The following ANKRD26 variants were observed in gnomAD, a reference collection of about 807,000 sequenced individuals.
ANKRD26 encodes ankyrin repeat domain 26, also known as ankyrin repeat domain-containing protein 26.
A neutral mutation model predicts 208.7 loss-of-function variants in ANKRD26; 141 were observed. The observed-to-expected ratio is 0.68, with a 90% CI of 0.59 to 0.78. ANKRD26 has a LOEUF of 0.78. ANKRD26 is among the 30% of genes least tolerant of loss of function. ANKRD26 has a pLI of 0.00. For synonymous variants in ANKRD26, 636 were observed against 660.4 expected, an observed-to-expected ratio of 0.96 and a Z score of 0.57; for missense variants, 1,889 against 1,938.7, an observed-to-expected ratio of 0.97 and a Z score of 0.48.
chr10:26,947,934 T>C, the ANKRD26 span, among the ~76,000 whole-genome samples: 1 of 152,208 alleles, frequency 6.6e-6, no homozygotes, highest in Non-Finnish European at 1.5e-5. Context: ...ACAAAATGTA[T>C]GAACTTTTAT....
intron 29 of ANKRD26, 33 bp from the exon 30 acceptor site, chr10:27,017,825 A>T (rs1386292977): frequency 6.3e-7 from 1 of 1,591,198 alleles, no homozygotes; most frequent in Admixed American, 1.7e-5. Context: ...TGTAATAATG[A>T]AGGAAGTAGC....
the ANKRD26 span, among the ~76,000 whole-genome samples, chr10:26,953,369 C>A: frequency 6.6e-6 from 1 of 152,182 alleles, no homozygotes; most frequent in Non-Finnish European, 1.5e-5. Flanking sequence ...GAGTTCGAGG[C>A]TGCAGTGAGT....
chr10:27,085,126 A>C (rs1284036035), intron 5 of ANKRD26, among the ~76,000 whole-genome samples: 1 of 150,656 alleles, frequency 6.6e-6, no homozygotes, highest in Middle Eastern at 3.2e-3. Flanking sequence ...TTTGAGATGG[A>C]GTCTCGCTCT....
At chr10:27,086,768 GTTTTTTTTTT>G (rs36035101) in intron 4 of ANKRD26, among the ~76,000 whole-genome samples, 159 bp from the exon 5 acceptor site, 81 of 96,976 alleles carry the variant, frequency 8.4e-4, no homozygotes, top group African/African-American at 2.9e-3. Flanking sequence ...AAACTTTTTT[GTTTTTTTTTT>G]TTTTTTTTTT....
chr10:27,071,076 G>A (rs1207135919), intron 9 of ANKRD26, among the ~76,000 whole-genome samples: 2 of 151,676 alleles, frequency 1.3e-5, no homozygotes, highest in African/African-American at 2.4e-5. Flanking sequence ...TTTGGTGTAT[G>A]CGTATGTGTC....
intron 32 of ANKRD26, among the ~76,000 whole-genome samples, chr10:27,010,744 G>A (rs2053071650): frequency 6.6e-6 from 1 of 152,088 alleles, no homozygotes; most frequent in Non-Finnish European, 1.5e-5. Context: ...CTGAGCTCAG[G>A]TGATCTTCCT....
rs768854633 is a variant in ANKRD26, at chr10:27,005,229, C to T, written c.*361G>A. ...AACAATGACCACAGTTCCTGCACAA[C>T]AAAATGATGTCTAAGTCCAATTAGA... On this transcript the variant is annotated 3_prime_UTR_variant, in exon 34 of 34. Coordinates refer to ENST00000376087, the MANE Select transcript of ANKRD26 (RefSeq NM_014915.3). The T allele has an allele frequency of 9.9e-7, 1 of 1,007,974 alleles. No individual in the cohort carries two copies. Among genetic ancestry groups the T allele is most frequent in the Admixed American group, 5.7e-5 (1 of 17,682 alleles). The allele number at this position is 1,007,974 out of a possible 1,614,324, so 62.4% of individuals were successfully genotyped here.
the ANKRD26 span, among the ~76,000 whole-genome samples, chr10:26,957,605 A>T: frequency 2.0e-5 from 3 of 152,134 alleles, no homozygotes; most frequent in Non-Finnish European, 2.9e-5. Context: ...CTGACTAATT[A>T]AAAAAAGAAA....
At chr10:27,075,811 G>A (rs7086820) in intron 9 of ANKRD26, among the ~76,000 whole-genome samples, 36,453 of 151,980 alleles carry the variant, frequency 0.24, 5,064 homozygotes, top group East Asian at 0.56. Flanking sequence ...GCTTTTAATA[G>A]GCATATGGAA....
intron 6 of ANKRD26, 83 bp downstream of exon 6, chr10:27,082,720 G>T (rs1364330234): frequency 2.7e-6 from 4 of 1,495,428 alleles, no homozygotes; most frequent in Non-Finnish European, 3.6e-6. Context: ...ACATAATATG[G>T]TGTCTACCCA....
chr10:26,972,595 T>TTC (rs1397010579), downstream of ANKRD26, among the ~76,000 whole-genome samples: 1 of 148,526 alleles, frequency 6.7e-6, no homozygotes, highest in East Asian at 2.0e-4. Flanking sequence ...ATTCTTTTTT[T>TTC]TTTTTTTTTT....
chr10:27,045,607 C>T (rs1373194885), intron 18 of ANKRD26, among the ~76,000 whole-genome samples: 1 of 152,146 alleles, frequency 6.6e-6, no homozygotes, highest in Non-Finnish European at 1.5e-5. Context: ...AGAATCTAAA[C>T]AACTATTAAG....
intron 1 of ANKRD26, among the ~76,000 whole-genome samples, chr10:27,097,489 CTA>C (rs2056506393): frequency 6.6e-6 from 1 of 151,874 alleles, no homozygotes; most frequent in East Asian, 1.9e-4. Context: ...AGATAGTAGA[CTA>C]TGTCTGCTAC....
intron 26 of ANKRD26, 85 bp downstream of exon 26, chr10:27,029,201 A>G: frequency 6.9e-7 from 1 of 1,441,636 alleles, no homozygotes; most frequent in Non-Finnish European, 9.5e-7. Flanking sequence ...TGTACTTATG[A>G]TCATAGCTGA....
chr10:27,001,170 T>C (rs921247299), downstream of ANKRD26, among the ~76,000 whole-genome samples: 1 of 152,198 alleles, frequency 6.6e-6, no homozygotes, highest in African/African-American at 2.4e-5. Context: ...CTCCTTTCTC[T>C]TCCTGAACAT....
chr10:26,978,671 A>T (rs1163872013), intron 5 of ANKRD26, among the ~76,000 whole-genome samples: 1 of 151,974 alleles, frequency 6.6e-6, no homozygotes, highest in Non-Finnish European at 1.5e-5. Flanking sequence ...TATCCCTGGG[A>T]TCCACGCCCT....
At chr10:27,024,215 A>G (rs2053586990) in intron 28 of ANKRD26, among the ~76,000 whole-genome samples, 1 of 152,220 alleles carries the variant, frequency 6.6e-6, no homozygotes, top group African/African-American at 2.4e-5. Context: ...AGTTGACATT[A>G]TATGCCAAAG....
chr10:26,949,105 T>C, the ANKRD26 span, among the ~76,000 whole-genome samples: 1 of 152,160 alleles, frequency 6.6e-6, no homozygotes, highest in Non-Finnish European at 1.5e-5. Flanking sequence ...TTTATTCTAT[T>C]ATAGAATTTT....
At chr10:27,009,486 C>G (rs1032420727) in intron 32 of ANKRD26, among the ~76,000 whole-genome samples, 3 of 152,098 alleles carry the variant, frequency 2.0e-5, no homozygotes, top group African/African-American at 7.2e-5. Flanking sequence ...ATTATTGTCT[C>G]CAGTTAAATA....
Sources: gnomAD v4.1 joint callset for allele counts (sites outside exome capture counted in the v4.1 genomes callset) on GRCh38, gnomAD v4.1.1 for gene constraint, MANE v1.5 for transcripts, NCBI Gene and HGNC (gene_info 2026-07-23, HGNC 2026-07-21) for gene names.